The following FRAS1 variants were observed in gnomAD, a reference collection of about 807,000 sequenced individuals.
The protein encoded by FRAS1 is Fraser extracellular matrix complex subunit 1, also known as extracellular matrix organizing protein FRAS1.
In FRAS1, 290 loss-of-function variants were observed where a neutral mutation model predicts 435.2. The ratio of observed to expected loss-of-function variants is 0.67; its 90% CI spans 0.61 to 0.73. The LOEUF is 0.73. Ranked by LOEUF, FRAS1 falls within the 30% of genes least tolerant of loss-of-function variation. The pLI is 0.00. For missense variants in FRAS1, 4,860 were observed against 5,001.5 expected (o/e 0.97, Z 0.85); for synonymous variants, 1,800 against 1,851.0 (o/e 0.97, Z 0.71).
chr4:78,202,958 G>C (rs1158548314), intron 2 of FRAS1, among the ~76,000 whole-genome samples: 3 of 152,188 alleles, frequency 2.0e-5, no homozygotes, highest in Non-Finnish European at 4.4e-5. Context: ...GGGGTGGTGA[G>C]CTGGGCTTTC....
intron 2 of FRAS1, among the ~76,000 whole-genome samples, chr4:78,127,849 C>T (rs1215355331): frequency 1.3e-5 from 2 of 151,104 alleles, no homozygotes; most frequent in Admixed American, 6.6e-5. Flanking sequence ...TGTGCTGCAC[C>T]CAATAACTCG....
At chr4:78,173,136 A>C (rs1721627761) in intron 2 of FRAS1, among the ~76,000 whole-genome samples, 1 of 152,214 alleles carries the variant, frequency 6.6e-6, no homozygotes, top group Non-Finnish European at 1.5e-5. Flanking sequence ...GATGTGCAGA[A>C]CAATACCCTC....
intron 14 of FRAS1, among the ~76,000 whole-genome samples, chr4:78,288,765 T>C (rs1727739232): frequency 1.3e-5 from 2 of 152,238 alleles, no homozygotes. Flanking sequence ...TTTCATATAC[T>C]GTCTTGGCAC....
At chr4:78,268,324 G>T (rs6834011) in intron 9 of FRAS1, among the ~76,000 whole-genome samples, 4,751 of 152,232 alleles carry the variant, frequency 0.031, 252 homozygotes, top group African/African-American at 0.11. Context: ...CATCGGCAGG[G>T]TTATTTTTCA....
At chr4:78,287,330 G>A (rs1210773572) in intron 14 of FRAS1, among the ~76,000 whole-genome samples, 3 of 152,268 alleles carry the variant, frequency 2.0e-5, no homozygotes, top group East Asian at 1.9e-4. Flanking sequence ...TTAGATTTGA[G>A]TCAGGACACA....
At chr4:78,109,444 C>T (rs1426261693) in intron 2 of FRAS1, among the ~76,000 whole-genome samples, 7 of 151,876 alleles carry the variant, frequency 4.6e-5, no homozygotes, top group African/African-American at 1.5e-4. Flanking sequence ...GCTGGTTCAA[C>T]ATACGAAAAT....
chr4:78,500,015 G>A, intron 61 of FRAS1, 94 bp downstream of exon 61: 2 of 1,035,326 alleles, frequency 1.9e-6, no homozygotes, highest in African/African-American at 1.6e-5. Context: ...AAATGAAAAA[G>A]GAAAACAGTA....
chr4:78,358,062 C>T (rs537869561), intron 20 of FRAS1, among the ~76,000 whole-genome samples: 3 of 152,052 alleles, frequency 2.0e-5, no homozygotes, highest in Non-Finnish European at 4.4e-5. Context: ...GGAAGGAACT[C>T]ACTGATTGAC....
chr4:78,463,654 G>A (rs952597641), intron 47 of FRAS1, among the ~76,000 whole-genome samples: 8 of 152,224 alleles, frequency 5.3e-5, no homozygotes, highest in Non-Finnish European at 8.8e-5. Context: ...AGAAAGGACT[G>A]TGAAGCTTGG....
chr4:78,092,642 G>A (rs1015346416), intron 2 of FRAS1, among the ~76,000 whole-genome samples: 1 of 152,188 alleles, frequency 6.6e-6, no homozygotes, highest in African/African-American at 2.4e-5. Flanking sequence ...TGTGGACACA[G>A]AGCCAAACCA....
intron 6 of FRAS1, among the ~76,000 whole-genome samples, chr4:78,260,489 A>T (rs1459636998): frequency 1.3e-5 from 2 of 151,862 alleles, no homozygotes; most frequent in Admixed American, 1.3e-4. Flanking sequence ...TTCACTCATG[A>T]TTTGGCTCTC....
chr4:78,113,200 T>G (rs888696486), intron 2 of FRAS1, among the ~76,000 whole-genome samples: 13 of 152,088 alleles, frequency 8.5e-5, no homozygotes, highest in Admixed American at 5.3e-4. Context: ...GTATATATAT[T>G]CCACATTTTC....
At chr4:78,294,380 G>A (rs919207602) in intron 14 of FRAS1, among the ~76,000 whole-genome samples, 7 of 152,206 alleles carry the variant, frequency 4.6e-5, no homozygotes, top group Non-Finnish European at 7.3e-5. Flanking sequence ...GGGAACACAG[G>A]GAGTCCTAGC....
rs775477108 is a variant in FRAS1, at chr4:78,282,901, C to T, written c.1189C>T (p.Pro397Ser). 1.1e-5 allele frequency: 18 copies of T among 1,612,094 alleles called. No homozygotes were observed. The highest frequency in any genetic ancestry group is 1.5e-5 in the Non-Finnish European group (18 of 1,179,314). The change falls in exon 12 of 74, where the codon CCA becomes TCA. Residue 397 changes from proline to serine, a missense_variant. Transcript: ENST00000512123. ...AQVTCYEPSC[P>S]PCPVGTLALE... ...GGTAACTTGCTACGAGCCCTCTTGC[C>T]CACCATGTCCAGTGGGCACACTGGC...
At chr4:78,380,624 C>T (rs570737067) in intron 27 of FRAS1, among the ~76,000 whole-genome samples, 1 of 152,330 alleles carries the variant, frequency 6.6e-6, no homozygotes, top group East Asian at 1.9e-4. Context: ...TAAATCTACT[C>T]CACAGAAGTC....
chr4:78,339,518 A>G (rs1293781742), intron 20 of FRAS1, among the ~76,000 whole-genome samples: 1 of 152,202 alleles, frequency 6.6e-6, no homozygotes, highest in Admixed American at 6.5e-5. Flanking sequence ...GGAAGGCATT[A>G]TGCGGGGGGG....
chr4:78,466,120 C>A, intron 49 of FRAS1, 88 bp from the exon 50 acceptor site: 1 of 1,028,012 alleles, frequency 9.7e-7, no homozygotes, highest in South Asian at 1.4e-5. Flanking sequence ...TTGGGTTCTA[C>A]TACCCTTGAT....
At chr4:78,345,567 A>T (rs540974567) in intron 20 of FRAS1, among the ~76,000 whole-genome samples, 5 of 149,984 alleles carry the variant, frequency 3.3e-5, no homozygotes, top group Admixed American at 2.6e-4. Flanking sequence ...TATTTTTTTA[A>T]CACTTGCTTC....
At chr4:78,059,644 C>A (rs1488826740) in intron 1 of FRAS1, among the ~76,000 whole-genome samples, 1 of 151,888 alleles carries the variant, frequency 6.6e-6, no homozygotes, top group South Asian at 2.1e-4. Flanking sequence ...AATTTAGAGT[C>A]CTATCCCAGC....
Sources: gnomAD v4.1 joint callset for allele counts (sites outside exome capture counted in the v4.1 genomes callset) on GRCh38, gnomAD v4.1.1 for gene constraint, MANE v1.5 for transcripts, NCBI Gene and HGNC (gene_info 2026-07-23, HGNC 2026-07-21) for gene names.